Variants in MCTP2 observed in about 807,000 individuals in gnomAD.
The protein encoded by MCTP2 is multiple C2 and transmembrane domain-containing protein 2.
Under a neutral mutation model 111.6 loss-of-function variants are expected in MCTP2, and 132 were observed. The ratio of observed to expected loss-of-function variants is 1.18; its 90% CI spans 1.03 to 1.37. The LOEUF is 1.37. Among genes scored for constraint, MCTP2 ranks in the 40% most tolerant of loss-of-function variants. The probability of loss-of-function intolerance (pLI) is 0.00; values close to 1 mark genes in which losing one functional copy is unlikely to be tolerated. For synonymous variants in MCTP2, 395 were observed against 387.7 expected (o/e 1.02, Z -0.22); for missense variants, 1,183 against 1,067.9 (o/e 1.11, Z -1.50).
chr15:94,437,155 CAAAAAA>C (rs11352999), intron 17 of MCTP2, among the ~76,000 whole-genome samples: 10 of 69,558 alleles, frequency 1.4e-4, no homozygotes, highest in East Asian at 4.3e-4. Flanking sequence ...CTTACACATC[CAAAAAA>C]AAAAAAAAAA....
intron 1 of MCTP2, among the ~76,000 whole-genome samples, chr15:94,234,858 C>A (rs1410236019): frequency 1.3e-5 from 2 of 152,144 alleles, no homozygotes; most frequent in Non-Finnish European, 2.9e-5. Flanking sequence ...CATAGAGATG[C>A]CACAGGGGCC....
At chr15:94,336,454 C>T (rs1419644291) in intron 4 of MCTP2, among the ~76,000 whole-genome samples, 1 of 152,088 alleles carries the variant, frequency 6.6e-6, no homozygotes, top group Non-Finnish European at 1.5e-5. Flanking sequence ...ATGGATGCAC[C>T]ATGTAACCTC....
chr15:94,422,882 A>G (rs2082691757), intron 17 of MCTP2, among the ~76,000 whole-genome samples: 1 of 152,026 alleles, frequency 6.6e-6, no homozygotes, highest in African/African-American at 2.4e-5. Context: ...TTCTGTAAAG[A>G]TGGGGTTTCC....
chr15:94,417,342 T>G (rs2082420967), intron 17 of MCTP2, among the ~76,000 whole-genome samples: 1 of 152,166 alleles, frequency 6.6e-6, no homozygotes, highest in South Asian at 2.1e-4. Context: ...TTTAGAAGCA[T>G]CTTTAAATGG....
chr15:94,465,648 C>CTCACCATCACTGTCATTT (rs771576949), intron 20 of MCTP2, among the ~76,000 whole-genome samples: 97 of 152,220 alleles, frequency 6.4e-4, no homozygotes, highest in Non-Finnish European at 1.3e-3. Context: ...TCTCTTGTAT[C>CTCACCATCACTGTCATTT]TCACCATCAC....
At chr15:94,469,805 G>A (rs771712059) in intron 20 of MCTP2, among the ~76,000 whole-genome samples, 8 of 151,968 alleles carry the variant, frequency 5.3e-5, no homozygotes, top group Non-Finnish European at 8.8e-5. Flanking sequence ...CTGGGGGGTC[G>A]AGGCTGCAGT....
At chr15:94,423,349 A>T (rs1392483417) in intron 17 of MCTP2, among the ~76,000 whole-genome samples, 2 of 152,204 alleles carry the variant, frequency 1.3e-5, no homozygotes, top group Non-Finnish European at 2.9e-5. Flanking sequence ...CACAGCTAGT[A>T]CGGTAGAGCC....
intron 21 of MCTP2, among the ~76,000 whole-genome samples, chr15:94,471,759 G>GAAA (rs200725385): frequency 1.7e-4 from 23 of 131,762 alleles, no homozygotes; most frequent in Admixed American, 5.4e-4. Context: ...GGCATATTTT[G>GAAA]AAAAAAAAAA....
intron 21 of MCTP2, among the ~76,000 whole-genome samples, chr15:94,474,015 C>T (rs2074139209): frequency 6.6e-6 from 1 of 151,998 alleles, no homozygotes; most frequent in Admixed American, 6.6e-5. Context: ...TCAATTCAAT[C>T]TATGATCCAG....
At chr15:94,276,943 A>G (rs1036457870) in intron 1 of MCTP2, among the ~76,000 whole-genome samples, 2 of 96,930 alleles carry the variant, frequency 2.1e-5, no homozygotes, top group Non-Finnish European at 4.1e-5. Flanking sequence ...TTGAGTTGGA[A>G]GCCCAAAAAA....
At chr15:94,475,317 C>T (rs185568585) in intron 21 of MCTP2, among the ~76,000 whole-genome samples, 1 of 152,302 alleles carries the variant, frequency 6.6e-6, no homozygotes, top group East Asian at 1.9e-4. Flanking sequence ...GCCCAACCGC[C>T]AAGCCACCAT....
chr15:94,377,974 C>A (rs1266583515), intron 12 of MCTP2, among the ~76,000 whole-genome samples: 1 of 152,034 alleles, frequency 6.6e-6, no homozygotes, highest in Non-Finnish European at 1.5e-5. Context: ...GCAAAAGAAA[C>A]CTCTCAGGGG....
At chr15:94,354,163 AGGATAGT>A (rs1194372817) in intron 8 of MCTP2, among the ~76,000 whole-genome samples, 1 of 152,162 alleles carries the variant, frequency 6.6e-6, no homozygotes, top group Non-Finnish European at 1.5e-5. Context: ...ACCAGAGAAG[AGGATAGT>A]TCTTTCTTTT....
intron 20 of MCTP2, among the ~76,000 whole-genome samples, chr15:94,466,836 G>GTATT (rs1216749916): frequency 6.6e-6 from 1 of 151,916 alleles, no homozygotes. Context: ...GTTGATATTA[G>GTATT]TATTTTACTT....
At chr15:94,288,504 C>T (rs773956580) in intron 1 of MCTP2, among the ~76,000 whole-genome samples, 12 of 152,192 alleles carry the variant, frequency 7.9e-5, no homozygotes, top group Non-Finnish European at 1.6e-4. Flanking sequence ...ATAATTGGAA[C>T]CATAGCCAAC....
intron 1 of MCTP2, among the ~76,000 whole-genome samples, chr15:94,254,549 G>A (rs1181295842): frequency 6.6e-6 from 1 of 152,180 alleles, no homozygotes; most frequent in Non-Finnish European, 1.5e-5. Context: ...CAAACAAAGG[G>A]CCACTATTTA....
intron 1 of MCTP2, among the ~76,000 whole-genome samples, chr15:94,280,056 GT>G (rs1196308645): frequency 4.0e-5 from 6 of 151,868 alleles, no homozygotes; most frequent in Non-Finnish European, 7.4e-5. Flanking sequence ...AGCTTTTGTT[GT>G]TGTTGTGTCT....
rs1555464858 is a variant in MCTP2, at chr15:94,390,074, A to ACGTATATATATATG, written c.1788+4549_1788+4550insCGTATATATATATG. Among the ~76,000 whole-genome samples the ACGTATATATATATG allele has an allele frequency of 5.0e-4, 13 of 25,854 alleles. 1 individual carries two copies. The highest frequency in any genetic ancestry group is 1.1e-3 in the South Asian group (1 of 936). 17.0% of individuals were successfully genotyped at this position (25,854 alleles called of 152,430 possible). On this transcript the variant is annotated intron_variant, in intron 14 of 22. Coordinates refer to ENST00000357742, the MANE Select transcript of MCTP2 (RefSeq NM_001385001.1). Reference sequence around the variant, plus strand: ...CATATATATATATATATATATATATATATATATATATATATGTATATATAT... The same window carrying ACGTATATATATATG: ...CATATATATATATATATATATATATACGTATATATATATGTATATATATATATATGTATATATAT...
chr15:94,295,010 C>T (rs558484777), intron 1 of MCTP2, among the ~76,000 whole-genome samples: 29 of 131,412 alleles, frequency 2.2e-4, no homozygotes, highest in Admixed American at 1.1e-3. Flanking sequence ...AGTGCAGTGG[C>T]GCAATCTCAG....
Sources: gnomAD v4.1 joint callset for allele counts (sites outside exome capture counted in the v4.1 genomes callset) on GRCh38, gnomAD v4.1.1 for gene constraint, MANE v1.5 for transcripts, NCBI Gene and HGNC (gene_info 2026-07-23, HGNC 2026-07-21) for gene names.